Variants in PSD3 observed in about 807,000 individuals in gnomAD.
PSD3 encodes pleckstrin and Sec7 domain containing 3, also known as PH and SEC7 domain-containing protein 3.
A neutral mutation model predicts 105.5 loss-of-function variants in PSD3; 49 were observed. The ratio of observed to expected loss-of-function variants is 0.46; its 90% CI spans 0.37 to 0.59. The LOEUF is 0.59. PSD3 is among the 20% of genes least tolerant of loss of function. PSD3 has a pLI of 0.00. For synonymous variants in PSD3, 557 were observed against 457.8 expected (o/e 1.22, Z -2.77); for missense variants, 1,561 against 1,263.8 (o/e 1.24, Z -3.57).
chr8:18,910,449 G>T, intron 2 of PSD3, among the ~76,000 whole-genome samples: 1 of 106,368 alleles, frequency 9.4e-6, no homozygotes. Context: ...AGATCACATG[G>T]ACACAGGAAG....
intron 14 of PSD3, among the ~76,000 whole-genome samples, chr8:18,565,564 A>T (rs1563327671): frequency 7.1e-6 from 1 of 140,520 alleles, no homozygotes; most frequent in Non-Finnish European, 1.6e-5. Flanking sequence ...TGTGTCTTGA[A>T]AAAGCACCAA....
chr8:18,788,654 A>ATTGGTTTCTC (rs1809414743), intron 8 of PSD3, among the ~76,000 whole-genome samples: 1 of 152,184 alleles, frequency 6.6e-6, no homozygotes, highest in African/African-American at 2.4e-5. Context: ...TGGAGAAACT[A>ATTGGTTTCTC]AAAGCCCTCA....
chr8:18,745,287 C>T (rs996774545), intron 9 of PSD3, among the ~76,000 whole-genome samples: 6 of 152,152 alleles, frequency 3.9e-5, no homozygotes, highest in South Asian at 2.1e-4. Flanking sequence ...ATAATTACTG[C>T]GATATTTGCC....
At chr8:18,677,991 C>CA (rs1800165800) in intron 9 of PSD3, among the ~76,000 whole-genome samples, 1 of 133,392 alleles carries the variant, frequency 7.5e-6, no homozygotes, top group Admixed American at 8.2e-5. Flanking sequence ...GCCTGGGCAG[C>CA]AGAGCGAGAC....
intron 4 of PSD3, among the ~76,000 whole-genome samples, chr8:18,835,365 A>G (rs1314962342): frequency 6.6e-6 from 1 of 152,164 alleles, no homozygotes; most frequent in East Asian, 1.9e-4. Flanking sequence ...CTTATACCTC[A>G]TGTATTGATT....
At chr8:19,012,927 A>G (rs1827021139) in intron 1 of PSD3, among the ~76,000 whole-genome samples, 1 of 152,056 alleles carries the variant, frequency 6.6e-6, no homozygotes. Flanking sequence ...TTTGACATCG[A>G]GGGGAATGGC....
intron 4 of PSD3, among the ~76,000 whole-genome samples, chr8:18,809,432 A>T (rs966795068): frequency 2.6e-5 from 4 of 152,178 alleles, no homozygotes; most frequent in African/African-American, 9.7e-5. Flanking sequence ...GACTCTGATC[A>T]CCATGCCTTC....
At chr8:18,921,557 T>G (rs1821020324) in intron 2 of PSD3, among the ~76,000 whole-genome samples, 2 of 152,172 alleles carry the variant, frequency 1.3e-5, no homozygotes, top group African/African-American at 4.8e-5. Context: ...TACACACAAC[T>G]GGGCAGGTGG....
At chr8:18,732,318 AAAG>A (rs1803820040) in intron 9 of PSD3, among the ~76,000 whole-genome samples, 1 of 152,252 alleles carries the variant, frequency 6.6e-6, no homozygotes, top group South Asian at 2.1e-4. Flanking sequence ...AGATATGAGA[AAAG>A]AAGGAAGATT....
intron 4 of PSD3, 81 bp downstream of exon 4, chr8:18,867,593 A>T: frequency 6.7e-7 from 1 of 1,484,900 alleles, no homozygotes; most frequent in Non-Finnish European, 9.0e-7. Context: ...TGATTTAAAT[A>T]TATATTCCAC....
At chr8:18,658,866 C>T (rs1294019210) in intron 9 of PSD3, among the ~76,000 whole-genome samples, 2 of 152,106 alleles carry the variant, frequency 1.3e-5, no homozygotes, top group East Asian at 1.9e-4. Flanking sequence ...CATCTCAATT[C>T]GCCTCTTTCT....
At chr8:18,599,692 T>C (rs1804293078) in intron 12 of PSD3, among the ~76,000 whole-genome samples, 1 of 152,108 alleles carries the variant, frequency 6.6e-6, no homozygotes, top group Non-Finnish European at 1.5e-5. Flanking sequence ...TGAGGACTAA[T>C]AATATGGCAC....
chr8:18,612,368 C>G (rs192092394), intron 11 of PSD3, among the ~76,000 whole-genome samples: 26 of 141,512 alleles, frequency 1.8e-4, no homozygotes, highest in Admixed American at 6.3e-4. Flanking sequence ...TTTAACGTTA[C>G]TGATGCATTT....
intron 7 of PSD3, 147 bp from the exon 8 acceptor site, chr8:18,799,500 A>C: frequency 1.3e-5 from 8 of 632,068 alleles, no homozygotes; most frequent in Admixed American, 5.7e-5. Context: ...CAAAAAATGG[A>C]TAAGAATAAT....
intron 9 of PSD3, among the ~76,000 whole-genome samples, chr8:18,730,788 G>C (rs904883561): frequency 3.3e-5 from 5 of 152,000 alleles, no homozygotes; most frequent in African/African-American, 1.2e-4. Context: ...TGTGGGCACT[G>C]TTTTTCAGAA....
intron 10 of PSD3, among the ~76,000 whole-genome samples, chr8:18,640,080 A>G (rs937388040): frequency 6.6e-6 from 1 of 152,164 alleles, no homozygotes; most frequent in African/African-American, 2.4e-5. Flanking sequence ...CTTTCAAAAA[A>G]CAGCTCTTGG....
At chr8:18,973,184 C>T (rs1824746528) in intron 1 of PSD3, among the ~76,000 whole-genome samples, 1 of 152,154 alleles carries the variant, frequency 6.6e-6, no homozygotes, top group East Asian at 1.9e-4. Flanking sequence ...GAAAAGAACA[C>T]TGACACGTGA....
rs151010712 is a variant in PSD3 at position 18,681,328 on chromosome 8, T to G, written c.2173-25643A>C. On this transcript the variant is annotated intron_variant, in intron 9 of 15. Transcript: ENST00000327040. ...ATGATTAGCAAGAAGAAATACCAGCTGGGTGCAGTAGCTCGTGCCTATCAT... is the reference window on the plus strand; with the variant it reads ...ATGATTAGCAAGAAGAAATACCAGCGGGGTGCAGTAGCTCGTGCCTATCAT... 2.8e-4 allele frequency among the ~76,000 whole-genome samples: 43 copies of G among 151,386 alleles called. No individual in the cohort carries two copies. In the East Asian group the frequency reaches 8.0e-3, roughly 28 times the overall value.
intron 9 of PSD3, among the ~76,000 whole-genome samples, chr8:18,660,286 G>C (rs760416452): frequency 6.6e-5 from 10 of 152,158 alleles, no homozygotes; most frequent in Non-Finnish European, 1.5e-4. Flanking sequence ...GCGACCACCA[G>C]AGGTTAGAAG....
Sources: gnomAD v4.1 joint callset for allele counts (sites outside exome capture counted in the v4.1 genomes callset) on GRCh38, gnomAD v4.1.1 for gene constraint, MANE v1.5 for transcripts, NCBI Gene and HGNC (gene_info 2026-07-23, HGNC 2026-07-21) for gene names.